Variants in MCMBP observed in about 807,000 individuals in gnomAD.
The protein encoded by MCMBP is mini-chromosome maintenance complex-binding protein.
A neutral mutation model predicts 81.3 loss-of-function variants in MCMBP; 31 were observed. That is an observed-to-expected ratio of 0.38 (90% CI 0.29 to 0.51). The LOEUF (loss-of-function observed/expected upper bound fraction) is 0.51. Ranked by LOEUF, MCMBP falls within the 20% of genes least tolerant of loss-of-function variation. The probability of loss-of-function intolerance (pLI) is 0.87; values close to 1 mark genes in which losing one functional copy is unlikely to be tolerated. For missense variants in MCMBP, 645 were observed against 772.1 expected (o/e 0.84, Z 1.95); for synonymous variants, 267 against 275.9 (o/e 0.97, Z 0.32).
intron 6 of MCMBP, among the ~76,000 whole-genome samples, chr10:119,851,016 G>T (rs1053563884): frequency 4.0e-5 from 6 of 151,486 alleles, no homozygotes; most frequent in African/African-American, 1.2e-4. Context: ...GGGATTACAG[G>T]CGTGCACCAC....
intron 13 of MCMBP, among the ~76,000 whole-genome samples, chr10:119,835,973 C>A (rs1204257566): frequency 6.6e-6 from 1 of 152,046 alleles, no homozygotes; most frequent in Non-Finnish European, 1.5e-5. Context: ...AGTAGTGGGA[C>A]CACAGGTGCA....
chr10:119,834,861 C>A (rs1382860500), intron 14 of MCMBP, among the ~76,000 whole-genome samples: 349 of 67,274 alleles, frequency 5.2e-3, no homozygotes, highest in South Asian at 9.0e-3. Context: ...GACCCTGTCT[C>A]AAAAAAAAAA....
chr10:119,844,171 T>G (rs1351964672), intron 8 of MCMBP, among the ~76,000 whole-genome samples: 1 of 152,206 alleles, frequency 6.6e-6, no homozygotes, highest in African/African-American at 2.4e-5. Flanking sequence ...CTTATCTTGC[T>G]AATTGTTTTT....
At chr10:119,839,296 G>A (rs921864597) in intron 11 of MCMBP, among the ~76,000 whole-genome samples, 2 of 152,128 alleles carry the variant, frequency 1.3e-5, no homozygotes, top group African/African-American at 4.8e-5. Context: ...CAGCTCTTGA[G>A]CCACCATTCC....
chr10:119,856,845 G>T lies in MCMBP; in HGVS notation c.429+493C>A, dbSNP rs78267702. ...CAGTACCTTTAAATGTGCCTTAGGC[G>T]GAGCATGCACTCTGGTAGGCTGAGG... On this transcript the variant is annotated intron_variant, in intron 5 of 15. Coordinates refer to ENST00000369077, the MANE Select transcript of MCMBP (RefSeq NM_001256378.2). Among the ~76,000 whole-genome samples, 53 of 151,700 alleles carry T rather than the reference G, an allele frequency of 3.5e-4. 2 individuals are homozygous for T. The highest frequency in any genetic ancestry group is 3.2e-3 in the Admixed American group (48 of 15,232).
rs368007969 is a variant in MCMBP, at chr10:119,849,410, G to A, written c.726+15C>T. 3.1e-5 allele frequency: 50 copies of A among 1,596,884 alleles called. No individual in the cohort carries two copies. The highest frequency in any genetic ancestry group is 4.1e-5 in the African/African-American group (3 of 73,494). On this transcript the variant is annotated intron_variant, in intron 7 of 15. Transcript: ENST00000369077. ...CATAACATTTCAGTGTTGGATCTAC[G>A]AAAGGTTTTATTACCTTCACAAGGC...
chr10:119,851,919 G>A (rs1450619956), intron 6 of MCMBP, among the ~76,000 whole-genome samples: 1 of 151,974 alleles, frequency 6.6e-6, no homozygotes, highest in Non-Finnish European at 1.5e-5. Context: ...TTGGGAGGCC[G>A]AGGCAAGTGG....
At chr10:119,851,031 C>A (rs1852807079) in intron 6 of MCMBP, among the ~76,000 whole-genome samples, 1 of 151,626 alleles carries the variant, frequency 6.6e-6, no homozygotes, top group Non-Finnish European at 1.5e-5. Context: ...CACCACCATG[C>A]CCAGCTAATT....
intron 14 of MCMBP, among the ~76,000 whole-genome samples, chr10:119,833,449 A>C (rs1423846010): frequency 6.6e-6 from 1 of 151,730 alleles, no homozygotes; most frequent in Non-Finnish European, 1.5e-5. Flanking sequence ...TGACCAGCCT[A>C]GGCAATAAAG....
chr10:119,859,683 G>T, intron 2 of MCMBP, 116 bp downstream of exon 2: 1 of 644,714 alleles, frequency 1.6e-6, no homozygotes. Context: ...TGTACTTGAA[G>T]CAGAAGTACA....
At chr10:119,842,668 A>G (rs1353018142) in intron 9 of MCMBP, 73 bp from the exon 10 acceptor site, 3 of 1,516,420 alleles carry the variant, frequency 2.0e-6, no homozygotes, top group Non-Finnish European at 2.7e-6. Flanking sequence ...TAAAAAAATA[A>G]CTACGTGAGC....
chr10:119,835,664 G>A lies in MCMBP; in HGVS notation c.1583C>T (p.Pro528Leu), dbSNP rs2134339266. Reference sequence around the variant, plus strand: ...GCTGTTCATGTACTCCTCCATGTTTGGTGGAATTAGCTGGGGCTGTAAGTG... The same window carrying A: ...GCTGTTCATGTACTCCTCCATGTTTAGTGGAATTAGCTGGGGCTGTAAGTG... ...QIHLQPQLIP[P>L]NMEEYMNSLL... The change falls in exon 14 of 16, where the codon CCA becomes CTA. Residue 528 changes from proline to leucine, a missense_variant. Coordinates refer to ENST00000369077, the MANE Select transcript of MCMBP (RefSeq NM_001256378.2). The A allele has an allele frequency of 6.2e-7, 1 of 1,614,222 alleles. No homozygotes were observed. Among genetic ancestry groups the A allele is most frequent in the East Asian group, 2.2e-5 (1 of 44,888 alleles).
intron 5 of MCMBP, among the ~76,000 whole-genome samples, chr10:119,854,001 G>A (rs1249524574): frequency 1.3e-5 from 2 of 151,838 alleles, no homozygotes; most frequent in Non-Finnish European, 2.9e-5. Flanking sequence ...GAAGTTGAGA[G>A]TAGCCTGGGC....
At position 119,858,895 on chromosome 10, in the gene MCMBP, C is replaced by T; in HGVS notation, c.316G>A (p.Ala106Thr). 2.5e-6 allele frequency: 4 copies of T among 1,609,948 alleles called. No homozygotes were observed. Among genetic ancestry groups the T allele is most frequent in the Non-Finnish European group, 3.4e-6 (4 of 1,177,132 alleles). The stretch of plus-strand genomic sequence containing the variant: ...TTAAAGATACATACCCCACACTCTG[C>T]TACATCTCTATATTTTCCAAAATGA... Reference protein sequence around the residue: ...VLHFGKYRDVAECGPQQELDL... With the variant: ...VLHFGKYRDVTECGPQQELDL... The change falls in exon 4 of 16, where the codon GCA becomes ACA. Residue 106 changes from alanine (A) to threonine (T), a missense_variant. Coordinates refer to ENST00000369077, the MANE Select transcript of MCMBP (RefSeq NM_001256378.2).
chr10:119,836,835 G>A, intron 13 of MCMBP, 61 bp downstream of exon 13: 1 of 1,043,236 alleles, frequency 9.6e-7, no homozygotes, highest in Non-Finnish European at 1.3e-6. Flanking sequence ...CCAAGAAACA[G>A]CAAAAATGTA....
intron 7 of MCMBP, among the ~76,000 whole-genome samples, chr10:119,847,951 A>C (rs1423581687): frequency 6.6e-6 from 1 of 152,036 alleles, no homozygotes; most frequent in African/African-American, 2.4e-5. Flanking sequence ...AATATACCAC[A>C]GTACTACAAA....
intron 1 of MCMBP, among the ~76,000 whole-genome samples, chr10:119,865,323 G>A (rs1450277369): frequency 6.6e-6 from 1 of 152,120 alleles, no homozygotes; most frequent in African/African-American, 2.4e-5. Flanking sequence ...CAGGCGTAGT[G>A]GCTTATGCCC....
At chr10:119,873,146 G>T (rs1853777074), upstream of MCMBP, among the ~76,000 whole-genome samples, 1 of 152,192 alleles carries the variant, frequency 6.6e-6, no homozygotes. Context: ...CACAACAGCT[G>T]AAAAGCATTA....
At chr10:119,848,610 C>CA (rs555703734) in intron 7 of MCMBP, among the ~76,000 whole-genome samples, 97 of 151,726 alleles carry the variant, frequency 6.4e-4, no homozygotes, top group African/African-American at 2.3e-3. Context: ...GAGACTGCCT[C>CA]AAAAAAACAA....
Sources: allele counts gnomAD v4.1 joint callset (sites outside exome capture counted in the v4.1 genomes callset), GRCh38; gene constraint gnomAD v4.1.1; transcripts MANE v1.5; gene names NCBI Gene and HGNC (gene_info 2026-07-23, HGNC 2026-07-21).